Variants in MRRF observed in about 807,000 individuals in gnomAD.
MRRF encodes the protein mitochondrial ribosome recycling factor, also known as ribosome-recycling factor, mitochondrial.
A neutral mutation model predicts 25.1 loss-of-function variants in MRRF; 18 were observed. That is an observed-to-expected ratio of 0.72 (90% CI 0.50 to 1.06). The LOEUF (loss-of-function observed/expected upper bound fraction) is 1.06. Among genes scored for constraint, MRRF ranks in the 50% least tolerant of loss-of-function variants. The pLI is 0.00. For missense variants in MRRF, 323 were observed against 319.3 expected, an observed-to-expected ratio of 1.01 and a Z score of -0.09; for synonymous variants, 113 against 112.1, an observed-to-expected ratio of 1.01 and a Z score of -0.05.
chr9:122,322,146 G>A (rs1014575476), intron 6 of MRRF, among the ~76,000 whole-genome samples: 1 of 152,076 alleles, frequency 6.6e-6, no homozygotes, highest in Non-Finnish European at 1.5e-5. Flanking sequence ...GGATCACGAG[G>A]TCAGGAGATT....
In MRRF at chr9:122,322,743, C is replaced by T. The variant is rs1048018815; in HGVS notation, c.*126C>T. 3 of 835,800 alleles carry T rather than the reference C, an allele frequency of 3.6e-6. No homozygotes were observed. Among genetic ancestry groups the T allele is most frequent in the African/African-American group, 3.4e-5 (2 of 59,426 alleles). The allele number at this position is 835,800 out of a possible 1,614,324, so 51.8% of individuals were successfully genotyped here. ...GTCACCATGCTGACAGAAGCCTGTCCTTGTAAGGCCCAGCCTTCCAGGGGA... is the reference window on the plus strand; with the variant it reads ...GTCACCATGCTGACAGAAGCCTGTCTTTGTAAGGCCCAGCCTTCCAGGGGA... On this transcript the variant is annotated 3_prime_UTR_variant, in exon 7 of 7. Transcript: ENST00000344641.
chr9:122,328,532 C>G lies in MRRF; in HGVS notation c.*5915C>G, dbSNP rs1836198888. On this transcript the variant is annotated 3_prime_UTR_variant, in exon 7 of 7. Coordinates refer to ENST00000344641, the MANE Select transcript of MRRF (RefSeq NM_138777.5). ...GAAGCATGATGTCCTTAAAGTATAT[C>G]CATATTGTAGCATGTATCAGAATTT... 3 of 152,202 alleles carry G rather than the reference C, an allele frequency of 2.0e-5. No homozygotes were observed. 9.4% of individuals were successfully genotyped at this position (152,202 alleles called of 1,614,324 possible). A position where few individuals can be genotyped will look rare whatever the true frequency, so the allele number is the denominator to read the frequency against.
rs116207935 is a variant in MRRF, at chr9:122,300,409, C to T, written c.551+8569C>T. ...GCTTAATTTTTTGAAGCTTCAGCCT[C>T]CTTATCTGTAAAACTGGAGTAGTAT... is the stretch of plus-strand genomic sequence containing the variant. On this transcript the variant is annotated intron_variant, in intron 5 of 6. Transcript: ENST00000344641. 4.1e-3 allele frequency among the ~76,000 whole-genome samples: 630 copies of T among 152,232 alleles called. 3 individuals carry two copies. The highest frequency in any genetic ancestry group is 0.014 in the African/African-American group (583 of 41,544).
At chr9:122,280,320 A>T in intron 2 of MRRF, 123 bp from the exon 3 acceptor site, 1 of 1,042,886 alleles carries the variant, frequency 9.6e-7, no homozygotes, top group Non-Finnish European at 1.5e-6. Context: ...GTGGAGCGAT[A>T]ATGTTTTATA....
At chr9:122,299,716 TAGG>T (rs1170196416) in intron 5 of MRRF, among the ~76,000 whole-genome samples, 1 of 151,822 alleles carries the variant, frequency 6.6e-6, no homozygotes, top group Non-Finnish European at 1.5e-5. Context: ...GCCAGTGAGG[TAGG>T]AGGAGAACTA....
intron 5 of MRRF, among the ~76,000 whole-genome samples, chr9:122,308,693 C>A (rs1835016579): frequency 8.0e-6 from 1 of 125,732 alleles, no homozygotes; most frequent in African/African-American, 3.2e-5. Flanking sequence ...AGCAAGACTC[C>A]ATCTCCAAAA....
chr9:122,299,282 G>T (rs572814752), intron 5 of MRRF, among the ~76,000 whole-genome samples: 2 of 151,850 alleles, frequency 1.3e-5, no homozygotes, highest in East Asian at 4.0e-4. Flanking sequence ...CTACTCAGAA[G>T]GCTGGGATTT....
chr9:122,286,662 A>G lies in MRRF; in HGVS notation c.459+1375A>G, dbSNP rs149769481. Among the ~76,000 whole-genome samples the G allele has an allele frequency of 1.5e-4, 23 of 152,334 alleles. No homozygotes were observed. The East Asian group carries it at 4.4e-3, about 29-fold the overall frequency. The stretch of plus-strand genomic sequence containing the variant: ...CGGGAGTTTGAAGCTGCAGTGAGCT[A>G]TGATCATGCCACTGCACTGCAGCCT... On this transcript the variant is annotated intron_variant, in intron 4 of 6. Coordinates refer to ENST00000344641, the MANE Select transcript of MRRF (RefSeq NM_138777.5).
intron 1 of MRRF, among the ~76,000 whole-genome samples, chr9:122,270,014 G>A (rs1016173958): frequency 1.3e-5 from 2 of 151,992 alleles, no homozygotes; most frequent in Admixed American, 1.3e-4. Flanking sequence ...ATTCCATTGT[G>A]TTGGATCAAA....
chr9:122,270,350 T>A (rs1273974440), intron 1 of MRRF, among the ~76,000 whole-genome samples: 1 of 152,230 alleles, frequency 6.6e-6, no homozygotes, highest in Non-Finnish European at 1.5e-5. Flanking sequence ...TAGACTCACA[T>A]TAAAGGGCAT....
intron 6 of MRRF, among the ~76,000 whole-genome samples, chr9:122,316,009 A>G (rs906083528): frequency 3.3e-5 from 5 of 152,132 alleles, no homozygotes; most frequent in South Asian, 4.1e-4. Context: ...AAATAGCTGT[A>G]TTCGTTTTGC....
chr9:122,318,455 A>C (rs974932625), intron 6 of MRRF, among the ~76,000 whole-genome samples: 2 of 152,234 alleles, frequency 1.3e-5, no homozygotes, highest in Non-Finnish European at 2.9e-5. Flanking sequence ...GAAATGAGCA[A>C]AGCTGGGTGC....
At position 122,285,239 on chromosome 9, in the gene MRRF, C is replaced by T. The variant is rs533302753; in HGVS notation, c.411C>T (p.Ser137=). The part of the protein sequence containing the change: ...KLALNQISQI[S]MKSPQLILVN... ...CTTTAAACCAGATTAGCCAGATCTC[C>T]ATGAAGTCGCCACAGCTGATTTTGG... Residue 137 remains serine, a synonymous_variant, in exon 4 of 7, where the codon TCC becomes TCT. Coordinates refer to ENST00000344641, the MANE Select transcript of MRRF (RefSeq NM_138777.5). 2 of 1,614,008 alleles carry T rather than the reference C, an allele frequency of 1.2e-6. No homozygotes were observed. Among genetic ancestry groups the T allele is most frequent in the South Asian group, 1.1e-5 (1 of 91,086 alleles).
At position 122,280,441 on chromosome 9, in the gene MRRF, A is replaced by G; in HGVS notation, c.185-2A>G. The G allele has an allele frequency of 1.2e-6, 2 of 1,614,058 alleles. No individual in the cohort carries two copies. The highest frequency in any genetic ancestry group is 1.7e-6 in the Non-Finnish European group (2 of 1,179,964). Reference sequence around the variant, plus strand: ...TTTATTCACTGAATGTTCACTTTTTAGCCAAAGGGAAAGGACAGTCCCAAA... The same window carrying G: ...TTTATTCACTGAATGTTCACTTTTTGGCCAAAGGGAAAGGACAGTCCCAAA... On this transcript the variant is annotated splice_acceptor_variant, in intron 2 of 6. Coordinates refer to ENST00000344641, the MANE Select transcript of MRRF (RefSeq NM_138777.5). LOFTEE classifies it high-confidence loss of function.
chr9:122,266,139 T>C (rs933114455), intron 1 of MRRF, among the ~76,000 whole-genome samples: 3 of 152,238 alleles, frequency 2.0e-5, no homozygotes, highest in Non-Finnish European at 2.9e-5. Context: ...GTTCTGGCAA[T>C]GTACCAGGTA....
chr9:122,330,305 G>A lies in MRRF; in HGVS notation c.*7688G>A, dbSNP rs1836250330. The A allele has an allele frequency of 6.6e-6, 1 of 152,360 alleles. No individual in the cohort carries two copies. Among genetic ancestry groups the A allele is most frequent in the South Asian group, 2.1e-4 (1 of 4,836 alleles). 9.4% of individuals were successfully genotyped at this position (152,360 alleles called of 1,614,324 possible). A position where few individuals can be genotyped will look rare whatever the true frequency, so the allele number is the denominator to read the frequency against. On this transcript the variant is annotated 3_prime_UTR_variant, in exon 7 of 7. Transcript: ENST00000344641. The surrounding 1 kb of genome is among the most constrained non-coding windows in gnomAD (Gnocchi z 4.2). The stretch of plus-strand genomic sequence containing the variant: ...CATCCCACATTTGCCGTGCATCCCT[G>A]AGTTCCAAAGCAGCCTCGCTAGGCT...
At chr9:122,295,928 C>G (rs1302588097) in intron 5 of MRRF, among the ~76,000 whole-genome samples, 1 of 152,132 alleles carries the variant, frequency 6.6e-6, no homozygotes, top group East Asian at 1.9e-4. Flanking sequence ...ATTACCTCAC[C>G]CTCATTACAT....
chr9:122,312,554 T>C (rs1333574295), intron 5 of MRRF, among the ~76,000 whole-genome samples: 1 of 152,150 alleles, frequency 6.6e-6, no homozygotes, highest in African/African-American at 2.4e-5. Flanking sequence ...CGTGTTGATT[T>C]GAGAGTAAGG....
At chr9:122,314,096 T>G (rs1344217387) in intron 6 of MRRF, among the ~76,000 whole-genome samples, 1 of 152,182 alleles carries the variant, frequency 6.6e-6, no homozygotes, top group Non-Finnish European at 1.5e-5. Flanking sequence ...GCATCTATAT[T>G]AGTCATGTAT....
Sources: gnomAD v4.1 joint callset for allele counts (sites outside exome capture counted in the v4.1 genomes callset) on GRCh38, gnomAD v4.1.1 for gene constraint, Gnocchi (gnomAD v3.1) non-coding constraint, MANE v1.5 for transcripts, NCBI Gene and HGNC (gene_info 2026-07-23, HGNC 2026-07-21) for gene names.